Variants in CLEC12A observed in about 807,000 individuals in gnomAD.
The protein encoded by CLEC12A is C-type lectin protein CLL-1.
CLEC12A carries 22 observed loss-of-function variants against 26.5 expected under a neutral mutation model. The ratio of observed to expected loss-of-function variants is 0.83; its 90% CI spans 0.59 to 1.19. The LOEUF (loss-of-function observed/expected upper bound fraction) is 1.19. Among genes scored for constraint, CLEC12A ranks in the 50% most tolerant of loss-of-function variants. CLEC12A has a pLI of 0.00. For synonymous variants in CLEC12A, 119 were observed against 101.9 expected (o/e 1.17, Z -1.01); for missense variants, 353 against 315.6 (o/e 1.12, Z -0.90).
chr12:9,996,605 T>A (rs35665084), downstream of CLEC12A: 1 of 115,430 alleles, frequency 8.7e-6, no homozygotes, highest in South Asian at 1.7e-4. Context: ...TGACCCACTA[T>A]GTACCTGAGC....
At chr12:9,961,798 G>A (rs1863833158) in intron 1 of CLEC12A, among the ~76,000 whole-genome samples, 1 of 152,082 alleles carries the variant, frequency 6.6e-6, no homozygotes. Context: ...GATAAAAACT[G>A]GCCTACATAT....
intron 3 of CLEC12A, 139 bp downstream of exon 3, chr12:9,979,663 G>C: frequency 3.1e-6 from 2 of 644,184 alleles, no homozygotes; most frequent in South Asian, 5.2e-5. Flanking sequence ...GTGGTTGATG[G>C]AGAATTCATT....
intron 1 of CLEC12A, among the ~76,000 whole-genome samples, chr12:9,966,361 GAGTC>G: frequency 6.6e-6 from 1 of 152,294 alleles, no homozygotes; most frequent in East Asian, 1.9e-4. Context: ...ATCTGGGAAG[GAGTC>G]AGTCAGAGAG....
intron 1 of CLEC12A, among the ~76,000 whole-genome samples, chr12:9,962,333 A>G (rs1863846904): frequency 6.7e-6 from 1 of 148,652 alleles, no homozygotes; most frequent in African/African-American, 2.5e-5. Context: ...TGGTCTCTCA[A>G]CTTTTAAATT....
chr12:9,985,606 T>C (rs1864746855), downstream of CLEC12A: 1 of 397,140 alleles, frequency 2.5e-6, no homozygotes, highest in East Asian at 3.6e-5. Context: ...GTTACGAGAC[T>C]GACTTATTTT....
the CLEC12A span, among the ~76,000 whole-genome samples, chr12:10,001,036 C>A: frequency 6.6e-6 from 1 of 152,124 alleles, no homozygotes; most frequent in Non-Finnish European, 1.5e-5. Flanking sequence ...AGGTACCAAA[C>A]AGGTACATAT....
downstream of CLEC12A, among the ~76,000 whole-genome samples, chr12:9,996,070 T>C (rs963224263): frequency 6.6e-6 from 1 of 152,160 alleles, no homozygotes; most frequent in African/African-American, 2.4e-5. Flanking sequence ...TAATGCATTC[T>C]TGGTAAATAA....
chr12:9,971,795 T>G, intron 1 of CLEC12A, 108 bp downstream of exon 1: 2 of 902,672 alleles, frequency 2.2e-6, no homozygotes, highest in Non-Finnish European at 3.1e-6. Context: ...AAATTTTCAA[T>G]TAAGTCTCTT....
chr12:9,999,028 C>T (rs560677886), downstream of CLEC12A: 7 of 1,531,436 alleles, frequency 4.6e-6, no homozygotes, highest in African/African-American at 1.4e-5. Flanking sequence ...TGGCTCTGAG[C>T]ATTCTTACCG....
upstream of CLEC12A, chr12:9,971,363 T>G (rs1256593100): frequency 9.1e-7 from 1 of 1,093,414 alleles, no homozygotes; most frequent in Non-Finnish European, 1.1e-6. Flanking sequence ...AGATGTTATC[T>G]GTTGCAACAG....
intron 1 of CLEC12A, among the ~76,000 whole-genome samples, chr12:9,957,255 A>C (rs1186105474): frequency 1.3e-5 from 2 of 152,112 alleles, no homozygotes; most frequent in Non-Finnish European, 2.9e-5. Flanking sequence ...TGGGAGGCCA[A>C]GGTGGGCAGA....
intron 1 of CLEC12A, among the ~76,000 whole-genome samples, chr12:9,973,774 A>T (rs1402649122): frequency 6.6e-6 from 1 of 151,990 alleles, no homozygotes; most frequent in Admixed American, 6.6e-5. Flanking sequence ...ATTTCAGTCC[A>T]TGTGTCGTTT....
At chr12:9,994,835 A>G (rs150432914) in intron 4 of CLEC12A, among the ~76,000 whole-genome samples, 33 of 145,160 alleles carry the variant, frequency 2.3e-4, no homozygotes, top group South Asian at 1.1e-3. Flanking sequence ...GCATGCGCGC[A>G]CACACACACA....
At chr12:9,980,872 G>C (rs879929758) in intron 4 of CLEC12A, 139 bp downstream of exon 4, 2 of 810,594 alleles carry the variant, frequency 2.5e-6, no homozygotes, top group Non-Finnish European at 3.8e-6. Flanking sequence ...CTTATCTCAA[G>C]ATATCATAGG....
downstream of CLEC12A, chr12:9,995,840 C>T (rs1865030970): frequency 1.3e-5 from 2 of 159,236 alleles, no homozygotes; most frequent in Non-Finnish European, 2.8e-5. Context: ...ATATCATTTG[C>T]TTTGTTTCTT....
upstream of CLEC12A, among the ~76,000 whole-genome samples, chr12:9,970,880 C>A (rs895824620): frequency 3.2e-4 from 49 of 152,164 alleles, no homozygotes; most frequent in African/African-American, 1.2e-3. Flanking sequence ...GCAAAAACCA[C>A]AATTACTTTT....
downstream of CLEC12A, chr12:9,998,451 C>A (rs1865104894): frequency 9.4e-7 from 1 of 1,064,448 alleles, no homozygotes; most frequent in Non-Finnish European, 1.5e-6. Flanking sequence ...TCACCCCTGC[C>A]CCTGCCCCTG....
At chr12:9,975,033 T>G (rs1172067737) in intron 1 of CLEC12A, among the ~76,000 whole-genome samples, 1 of 152,192 alleles carries the variant, frequency 6.6e-6, no homozygotes, top group African/African-American at 2.4e-5. Flanking sequence ...TCTGTGGCCA[T>G]GTGAGATGTG....
At chr12:9,999,819 G>T (rs1244598990), downstream of CLEC12A, among the ~76,000 whole-genome samples, 2 of 152,194 alleles carry the variant, frequency 1.3e-5, no homozygotes, top group African/African-American at 4.8e-5. Flanking sequence ...TTTAAAGTGA[G>T]TTTCCTGGAA....
Sources: allele counts gnomAD v4.1 joint callset (sites outside exome capture counted in the v4.1 genomes callset), GRCh38; gene constraint gnomAD v4.1.1; transcripts MANE v1.5; gene names NCBI Gene and HGNC (gene_info 2026-07-23, HGNC 2026-07-21).